Variants in ADGRG4 observed in about 807,000 individuals in gnomAD.
ADGRG4 encodes adhesion G protein-coupled receptor G4, also known as G protein-coupled receptor 112.
A neutral mutation model predicts 126.2 loss-of-function variants in ADGRG4; 122 were observed. The ratio of observed to expected loss-of-function variants is 0.97; its 90% confidence interval spans 0.83 to 1.12. ADGRG4 has a LOEUF of 1.12. Among genes scored for constraint, ADGRG4 ranks in the 50% most tolerant of loss-of-function variants. ADGRG4 has a pLI of 0.00. For synonymous variants in ADGRG4, 943 were observed against 838.7 expected, an observed-to-expected ratio of 1.12 and a Z score of -2.15; for missense variants, 2,481 against 2,251.8, an observed-to-expected ratio of 1.10 and a Z score of -2.06.
chrX:136,310,915 C>A (rs940330008), intron 4 of ADGRG4, among the ~76,000 whole-genome samples: 1 of 111,478 alleles, frequency 9.0e-6, no homozygotes, highest in Non-Finnish European at 1.9e-5. Flanking sequence ...TCTTAGTCTG[C>A]TCAGGATGCC....
chrX:136,352,309 T>C (rs1341628846), intron 7 of ADGRG4, among the ~76,000 whole-genome samples: 1 of 111,075 alleles, frequency 9.0e-6, no homozygotes, highest in African/African-American at 3.3e-5. Context: ...ATGGTTGTAG[T>C]ATAGTTTTTT....
Position 136,405,347 on chromosome X carries a change from G to A in ADGRG4, c.8655-345G>A, listed in dbSNP as rs371279969. On this transcript the variant is annotated intron_variant, in intron 22 of 25. Coordinates refer to ENST00000394143, the MANE Select transcript of ADGRG4 (RefSeq NM_153834.4). The stretch of plus-strand genomic sequence containing the variant: ...GTGCGGGGGCGGTGTGGGGAGCACG[G>A]CGACAGAGAGCCACTTTGGGGGAAA... Among the ~76,000 whole-genome samples the A allele has an allele frequency of 4.4e-4, 49 of 111,021 alleles. No individual in the cohort carries two copies. In the East Asian group the frequency reaches 6.8e-3, roughly 15 times the overall value.
chrX:136,407,228 C>T (rs1342428603), intron 23 of ADGRG4, among the ~76,000 whole-genome samples: 11 of 110,350 alleles, frequency 1.0e-4, no homozygotes, highest in African/African-American at 3.6e-4. Flanking sequence ...ATGGGATGCT[C>T]CCACAAGGAA....
chrX:136,350,490 A>G, intron 6 of ADGRG4, 57 bp downstream of exon 6: 3 of 1,097,359 alleles, frequency 2.7e-6, no homozygotes. Flanking sequence ...ACTATGGGTC[A>G]TGTGTTCTCC....
intron 13 of ADGRG4, 42 bp from the exon 14 acceptor site, chrX:136,371,286 A>T (rs2075192100): frequency 1.1e-6 from 1 of 940,293 alleles, no homozygotes; most frequent in Non-Finnish European, 1.5e-6. Context: ...ATGGCAGAAG[A>T]CTAAGTCATG....
intron 5 of ADGRG4, among the ~76,000 whole-genome samples, chrX:136,332,007 T>G (rs2074914133): frequency 9.2e-6 from 1 of 109,255 alleles, no homozygotes; most frequent in Admixed American, 9.8e-5. Context: ...TTTTTAATTT[T>G]TATTTTTTTT....
At chrX:136,315,777 A>G (rs1049102234) in intron 4 of ADGRG4, among the ~76,000 whole-genome samples, 3 of 112,139 alleles carry the variant, frequency 2.7e-5, no homozygotes, top group East Asian at 2.8e-4. Flanking sequence ...ATCCAATATT[A>G]TTGGTATCTT....
At chrX:136,390,847 G>A (rs1446133057) in intron 16 of ADGRG4, among the ~76,000 whole-genome samples, 1 of 110,892 alleles carries the variant, frequency 9.0e-6, no homozygotes, top group African/African-American at 3.3e-5. Flanking sequence ...ACTAAGTTGG[G>A]AGGATCATTA....
chrX:136,353,071 C>T, intron 7 of ADGRG4, among the ~76,000 whole-genome samples: 1 of 111,508 alleles, frequency 9.0e-6, no homozygotes, highest in Non-Finnish European at 1.9e-5. Context: ...CTTTTATGAT[C>T]TTATTTAACC....
At chrX:136,405,442 G>T (rs923293280) in intron 22 of ADGRG4, among the ~76,000 whole-genome samples, 3 of 111,114 alleles carry the variant, frequency 2.7e-5, no homozygotes, top group Non-Finnish European at 5.7e-5. Flanking sequence ...ACAGGTTTCT[G>T]CATATGTAGG....
chrX:136,388,035 C>T (rs1273121288), intron 16 of ADGRG4, among the ~76,000 whole-genome samples, 161 bp downstream of exon 16: 4 of 112,077 alleles, frequency 3.6e-5, no homozygotes, highest in Non-Finnish European at 7.5e-5. Flanking sequence ...GAATCAACGT[C>T]TACTTTAATG....
At chrX:136,339,805 A>G (rs1428906915) in intron 5 of ADGRG4, among the ~76,000 whole-genome samples, 2 of 112,315 alleles carry the variant, frequency 1.8e-5, no homozygotes, top group Non-Finnish European at 3.8e-5. Context: ...GCTCTATGCC[A>G]TCTTGTTCAG....
intron 15 of ADGRG4, among the ~76,000 whole-genome samples, chrX:136,386,523 G>C (rs1437101202): frequency 8.9e-6 from 1 of 111,933 alleles, no homozygotes; most frequent in African/African-American, 3.3e-5. Context: ...CTAGATAATA[G>C]CAACTTGAGA....
chrX:136,372,472 A>G (rs1436426685), intron 14 of ADGRG4, among the ~76,000 whole-genome samples: 2 of 111,486 alleles, frequency 1.8e-5, no homozygotes, highest in African/African-American at 6.5e-5. Flanking sequence ...CTTTTAATGT[A>G]TATATCAGGT....
Position 136,349,273 on chromosome X carries a change from C to T in ADGRG4, c.5567C>T (p.Pro1856Leu). 8.3e-7 allele frequency: 1 copy of T among 1,204,431 alleles called. No individual in the cohort carries two copies. Reference sequence around the variant, plus strand: ...TCTACTCCAAAGACCTCTCCTCCTCCCACATCCCAAATGGTTGAATTTCCA... The same window carrying T: ...TCTACTCCAAAGACCTCTCCTCCTCTCACATCCCAAATGGTTGAATTTCCA... Reference protein sequence around the residue: ...EISTPKTSPPPTSQMVEFPVL... With the variant: ...EISTPKTSPPLTSQMVEFPVL... The change falls in exon 6 of 26, where the codon CCC (proline) becomes CTC (leucine). Residue 1856 changes from proline to leucine, a missense_variant. Coordinates refer to ENST00000394143, the MANE Select transcript of ADGRG4 (RefSeq NM_153834.4).
At chrX:136,383,714 G>T (rs1244388551) in intron 15 of ADGRG4, among the ~76,000 whole-genome samples, 3 of 110,528 alleles carry the variant, frequency 2.7e-5, no homozygotes, top group Admixed American at 1.9e-4. Flanking sequence ...TCTGGCTTTT[G>T]TTCCTCTGTT....
chrX:136,330,288 C>T (rs748168446), intron 5 of ADGRG4, among the ~76,000 whole-genome samples: 128 of 111,070 alleles, frequency 1.2e-3, no homozygotes, highest in South Asian at 2.7e-3. Flanking sequence ...TCATACCTAA[C>T]CCCTGACAAC....
intron 9 of ADGRG4, among the ~76,000 whole-genome samples, chrX:136,356,392 G>A (rs1334336890): frequency 2.7e-5 from 3 of 111,268 alleles, no homozygotes; most frequent in Non-Finnish European, 5.7e-5. Flanking sequence ...CACATTTTCT[G>A]GTCTACAGGG....
rs1425611685 is a variant in ADGRG4 at position 136,381,778 on chromosome X, C to A, written c.7777-5962C>A. On this transcript the variant is annotated intron_variant, in intron 15 of 25. Coordinates refer to ENST00000394143, the MANE Select transcript of ADGRG4 (RefSeq NM_153834.4). The stretch of plus-strand genomic sequence containing the variant: ...ACAAGGTCCCACAATAGGCTGTCTG[C>A]AAGCTTGAGGAGCAAGGAGAGCCAG... Among the ~76,000 whole-genome samples, 3 of 110,914 alleles carry A rather than the reference C, an allele frequency of 2.7e-5. No homozygotes were observed. In the Admixed American group the frequency reaches 2.9e-4, roughly 11 times the overall value.
Sources: gnomAD v4.1 joint callset for allele counts (sites outside exome capture counted in the v4.1 genomes callset) on GRCh38, gnomAD v4.1.1 for gene constraint, MANE v1.5 for transcripts, NCBI Gene and HGNC (gene_info 2026-07-23, HGNC 2026-07-21) for gene names.